AGPAT3: variants seen among roughly 807,000 people sequenced by gnomAD.
AGPAT3 encodes the protein 1-acylglycerol-3-phosphate O-acyltransferase 3, also known as 1-acyl-sn-glycerol-3-phosphate acyltransferase gamma.
In AGPAT3, 5 loss-of-function variants were observed where a neutral mutation model predicts 47.3. The observed-to-expected ratio is 0.11, with a 90% CI of 0.06 to 0.22. The LOEUF (loss-of-function observed/expected upper bound fraction) is 0.22. AGPAT3 is among the 10% of genes least tolerant of loss of function. The probability of loss-of-function intolerance (pLI) is 1.00; values close to 1 mark genes in which losing one functional copy is unlikely to be tolerated. For synonymous variants in AGPAT3, 212 were observed against 208.3 expected (o/e 1.02, Z -0.15); for missense variants, 315 against 493.0 (o/e 0.64, Z 3.42).
At chr21:43,945,268 G>A (rs749959613) in intron 2 of AGPAT3, among the ~76,000 whole-genome samples, 1 of 152,158 alleles carries the variant, frequency 6.6e-6, no homozygotes, top group Non-Finnish European at 1.5e-5. Flanking sequence ...TTGGCTACCA[G>A]GCTTGAGGGT....
chr21:43,921,094 C>T (rs2086882221), intron 2 of AGPAT3, among the ~76,000 whole-genome samples: 2 of 152,186 alleles, frequency 1.3e-5, no homozygotes, highest in South Asian at 4.1e-4. Flanking sequence ...GCCTGGGCAA[C>T]AGAGCAAGAC....
chr21:43,886,921 C>T (rs1218155356), intron 1 of AGPAT3, among the ~76,000 whole-genome samples: 4 of 152,176 alleles, frequency 2.6e-5, no homozygotes, highest in African/African-American at 7.2e-5. Context: ...GTGCAGGTAT[C>T]TCTGATATAC....
intron 2 of AGPAT3, among the ~76,000 whole-genome samples, chr21:43,948,612 G>C (rs1165888122): frequency 6.6e-6 from 1 of 152,166 alleles, no homozygotes; most frequent in Non-Finnish European, 1.5e-5. Context: ...CAAAAGGCGG[G>C]GTTCTGTTAT....
chr21:43,873,847 T>C (rs1264181410), intron 1 of AGPAT3, among the ~76,000 whole-genome samples: 2 of 152,218 alleles, frequency 1.3e-5, no homozygotes, highest in Non-Finnish European at 2.9e-5. Context: ...AAGAACCAGC[T>C]ATCAGTCTTA....
intron 1 of AGPAT3, among the ~76,000 whole-genome samples, chr21:43,871,816 G>A (rs1217676359): frequency 6.6e-6 from 1 of 152,116 alleles, no homozygotes; most frequent in Non-Finnish European, 1.5e-5. Context: ...ATCTTTGGCT[G>A]TAATGTGTGC....
rs569370486 is a variant in AGPAT3 at position 43,985,630 on chromosome 21, C to T, written c.*3238C>T. On this transcript the variant is annotated 3_prime_UTR_variant, in exon 10 of 10. Transcript: ENST00000291572. ...GGCTGTCCATGCCTGTTGTGACTAC[C>T]GGTTGGGGTCAGATTTGGGGTGAAG... is the stretch of plus-strand genomic sequence containing the variant. 60 of 214,396 alleles carry T rather than the reference C, an allele frequency of 2.8e-4. 1 individual carries two copies. The highest frequency in any genetic ancestry group is 1.2e-3 in the African/African-American group (50 of 42,858). 13.3% of individuals were successfully genotyped at this position (214,396 alleles called of 1,614,324 possible).
rs1438520574 is a variant in AGPAT3, at chr21:43,987,106, C to T, written c.*4714C>T. 6.6e-6 allele frequency among the ~76,000 whole-genome samples: 1 copy of T among 152,222 alleles called. No homozygotes were observed. On this transcript the variant is annotated 3_prime_UTR_variant, in exon 10 of 10. Coordinates refer to ENST00000291572, the MANE Select transcript of AGPAT3 (RefSeq NM_020132.5). ...TTATTAAAATTGCTGCTGTGAAAGA[C>T]AGGGATAAAATATCCACAATATAAG...
intron 1 of AGPAT3, among the ~76,000 whole-genome samples, chr21:43,873,781 A>G (rs1051869209): frequency 1.3e-5 from 2 of 152,142 alleles, no homozygotes; most frequent in Admixed American, 1.3e-4. Context: ...AAATGGTTTT[A>G]CCTTTCTTTT....
chr21:43,947,692 C>CTTTTTTT (rs534895749), intron 2 of AGPAT3, among the ~76,000 whole-genome samples: 2 of 142,070 alleles, frequency 1.4e-5, no homozygotes, highest in Non-Finnish European at 1.5e-5. Flanking sequence ...CTTTTCTTTT[C>CTTTTTTT]TTTTTTTTTT....
chr21:43,926,087 C>T (rs1337646831), intron 2 of AGPAT3, among the ~76,000 whole-genome samples: 3 of 152,246 alleles, frequency 2.0e-5, no homozygotes, highest in Admixed American at 6.5e-5. Flanking sequence ...GTTAATTCCA[C>T]TTTTCTCTGT....
chr21:43,956,283 G>T (rs993226275), intron 2 of AGPAT3, among the ~76,000 whole-genome samples: 2 of 151,056 alleles, frequency 1.3e-5, no homozygotes, highest in African/African-American at 2.4e-5. Context: ...ACCCTGGGGG[G>T]GCTGCAGTGT....
intron 1 of AGPAT3, among the ~76,000 whole-genome samples, chr21:43,899,558 G>A (rs1246915814): frequency 6.6e-6 from 1 of 152,210 alleles, no homozygotes; most frequent in Non-Finnish European, 1.5e-5. Context: ...CTTACCGAGT[G>A]CGTTGGGGAG....
chr21:43,974,571 GTGTA>G (rs961620790), intron 7 of AGPAT3, among the ~76,000 whole-genome samples: 1 of 150,776 alleles, frequency 6.6e-6, no homozygotes, highest in Non-Finnish European at 1.5e-5. Context: ...TGTGTAGTGT[GTGTA>G]TATAAATCGT....
rs933108889 is a variant in AGPAT3 at position 43,985,024 on chromosome 21, A to G, written c.*2632A>G. 1.6e-5 allele frequency: 7 copies of G among 440,936 alleles called. No individual in the cohort carries two copies. The highest frequency in any genetic ancestry group is 2.7e-5 in the Non-Finnish European group (6 of 219,108). The allele number at this position is 440,936 out of a possible 1,614,324, so 27.3% of individuals were successfully genotyped here. Reference sequence around the variant, plus strand: ...TGCTGGCCTGTAGCTCCTGTTACCCACCCAGAGCCAGGCGCCACACTGGAG... The same window carrying G: ...TGCTGGCCTGTAGCTCCTGTTACCCGCCCAGAGCCAGGCGCCACACTGGAG... On this transcript the variant is annotated 3_prime_UTR_variant, in exon 10 of 10. Transcript: ENST00000291572.
At chr21:43,909,124 A>G (rs1174773701) in intron 2 of AGPAT3, among the ~76,000 whole-genome samples, 2 of 152,084 alleles carry the variant, frequency 1.3e-5, no homozygotes, top group Admixed American at 1.3e-4. Flanking sequence ...CACTCTTCCA[A>G]CTTCAAGAAA....
Position 43,959,858 on chromosome 21 carries a change from C to A in AGPAT3, c.177C>A (p.Ser59Arg). 1 of 1,604,724 alleles carries A rather than the reference C, an allele frequency of 6.2e-7. No individual in the cohort carries two copies. The change falls in exon 3 of 10, where the codon AGC becomes AGA. Residue 59 changes from serine (S) to arginine (R), a missense_variant and splice_region_variant. Physicochemically the swap from Ser to Arg is moderately radical, Grantham distance 110. Transcript: ENST00000291572. ...LNCRLAYSLW[S>R]QLVMLLEWWS... ...GCCGCCTCGCCTACTCACTCTGGAGCCGTGAGTGTCTGCTGGGCCAGTCCC... is the reference window on the plus strand; with the variant it reads ...GCCGCCTCGCCTACTCACTCTGGAGACGTGAGTGTCTGCTGGGCCAGTCCC...
chr21:43,922,960 G>T lies in AGPAT3; in HGVS notation c.-49+18941G>T, dbSNP rs754290970. Among the ~76,000 whole-genome samples the T allele has an allele frequency of 6.6e-6, 1 of 152,230 alleles. No homozygotes were observed. The highest frequency in any genetic ancestry group is 6.5e-5 in the Admixed American group (1 of 15,290). ...TCTGGGGTGCGAGCGTCTGTTCTGT[G>T]TCAGGAGTCCCTGTTTCTTTCTCCC... is the stretch of plus-strand genomic sequence containing the variant. On this transcript the variant is annotated intron_variant, in intron 2 of 9. Transcript: ENST00000291572. This position sits in a 1 kb window ranked among gnomAD's most constrained non-coding sequence, Gnocchi z 4.9.
intron 2 of AGPAT3, among the ~76,000 whole-genome samples, chr21:43,938,443 G>A (rs979676911): frequency 2.0e-5 from 3 of 149,538 alleles, no homozygotes; most frequent in African/African-American, 7.4e-5. Context: ...GAGAAGCTGG[G>A]ATTACAGGCA....
At chr21:43,926,530 A>G (rs956914067) in intron 2 of AGPAT3, among the ~76,000 whole-genome samples, 21 of 151,336 alleles carry the variant, frequency 1.4e-4, no homozygotes, top group African/African-American at 5.1e-4. Context: ...CGTGCACGAG[A>G]GGAGCCCCCA....
Sources: gnomAD v4.1 joint callset for allele counts (sites outside exome capture counted in the v4.1 genomes callset) on GRCh38, gnomAD v4.1.1 for gene constraint, Gnocchi (gnomAD v3.1) non-coding constraint, MANE v1.5 for transcripts, NCBI Gene and HGNC (gene_info 2026-07-23, HGNC 2026-07-21) for gene names.